Variants in SPPL2A observed in about 807,000 individuals in gnomAD.
The protein encoded by SPPL2A is signal peptide peptidase like 2A.
Under a neutral mutation model 63.8 loss-of-function variants are expected in SPPL2A, and 51 were observed. That is an observed-to-expected ratio of 0.80 (90% CI 0.64 to 1.01). The LOEUF (loss-of-function observed/expected upper bound fraction) is 1.01, where lower values mean the gene tolerates loss of function less well. Ranked by LOEUF, SPPL2A falls within the 50% of genes least tolerant of loss-of-function variation. The pLI is 0.00. For missense variants in SPPL2A, 553 were observed against 622.7 expected, an observed-to-expected ratio of 0.89 and a Z score of 1.19; for synonymous variants, 188 against 205.8, an observed-to-expected ratio of 0.91 and a Z score of 0.74.
At position 50,706,616 on chromosome 15, in the gene SPPL2A, TGGGAGTG is replaced by T. The variant is rs2062511849; in HGVS notation, c.*1177_*1183del. On this transcript the variant is annotated 3_prime_UTR_variant, in exon 15 of 15. Transcript: ENST00000261854. ...ATCAGGAAGAAAAAAAGATAACGGG[TGGGAGTG>T]GGGGAATGTGGGATAATGTTAGGAA... 1 of 151,486 alleles carries T rather than the reference TGGGAGTG, an allele frequency of 6.6e-6. No individual in the cohort carries two copies. The highest frequency in any genetic ancestry group is 1.5e-5 in the Non-Finnish European group (1 of 67,880). 9.4% of individuals were successfully genotyped at this position (151,486 alleles called of 1,614,324 possible).
intron 14 of SPPL2A, among the ~76,000 whole-genome samples, chr15:50,712,922 G>C (rs1392594435): frequency 6.6e-6 from 1 of 151,924 alleles, no homozygotes; most frequent in African/African-American, 2.4e-5. Flanking sequence ...CTGACCTCGT[G>C]ATCTGCCCGC....
chr15:50,762,718 GTTTCTTTTTTTCT>G (rs1396916929), intron 1 of SPPL2A, among the ~76,000 whole-genome samples: 3 of 149,748 alleles, frequency 2.0e-5, no homozygotes, highest in Non-Finnish European at 4.4e-5. Flanking sequence ...AGCAGTGCCA[GTTTCTTTTTTTCT>G]TTTCTTTTTT....
At chr15:50,748,337 C>G (rs1365978769) in intron 3 of SPPL2A, 135 bp from the exon 4 acceptor site, 28 of 436,836 alleles carry the variant, frequency 6.4e-5, no homozygotes, top group Non-Finnish European at 1.0e-4. Context: ...TCTTAACACT[C>G]TAAGTTCTCA....
intron 1 of SPPL2A, 100 bp from the exon 2 acceptor site, chr15:50,749,846 C>A: frequency 1.4e-6 from 1 of 731,116 alleles, no homozygotes; most frequent in South Asian, 1.5e-5. Flanking sequence ...ATCACATTTC[C>A]TTGAGAGGGA....
chr15:50,724,393 G>A (rs926971888), intron 12 of SPPL2A, among the ~76,000 whole-genome samples: 9 of 152,024 alleles, frequency 5.9e-5, no homozygotes, highest in South Asian at 2.1e-4. Flanking sequence ...TGGCTAACAC[G>A]GTGAAACCCA....
intron 1 of SPPL2A, among the ~76,000 whole-genome samples, chr15:50,759,371 T>C (rs1012929072): frequency 3.3e-5 from 5 of 152,166 alleles, no homozygotes; most frequent in African/African-American, 1.2e-4. Context: ...GTTTGAACCC[T>C]GGAGTTTGAG....
In SPPL2A at chr15:50,734,816, A is replaced by G. The variant is rs76452388; in HGVS notation, c.932+1285T>C. ...AAATATATATAGTCATTATGTTCCC[A>G]TAATAATTAAAAATAAAACTTTTTA... On this transcript the variant is annotated intron_variant, in intron 8 of 14. Coordinates refer to ENST00000261854, the MANE Select transcript of SPPL2A (RefSeq NM_032802.4). Among the ~76,000 whole-genome samples the G allele has an allele frequency of 3.2e-3, 483 of 152,360 alleles. 5 individuals are homozygous for G. Among genetic ancestry groups the G allele is most frequent in the Middle Eastern group, 0.031 (9 of 294 alleles).
intron 1 of SPPL2A, among the ~76,000 whole-genome samples, chr15:50,765,010 T>G (rs573171000): frequency 1.1e-4 from 16 of 151,998 alleles, no homozygotes; most frequent in African/African-American, 3.6e-4. Flanking sequence ...TCCGTGTTAG[T>G]GCAATTAAAG....
chr15:50,757,089 C>CTTTTTTTTTTTTTTTTTTTTTTTT (rs57100103), intron 1 of SPPL2A, among the ~76,000 whole-genome samples: 1 of 128,374 alleles, frequency 7.8e-6, no homozygotes, highest in South Asian at 2.4e-4. Context: ...TAAATCCTTT[C>CTTTTTTTTTTTTTTTTTTTTTTTT]TTTTTTTTTT....
At chr15:50,736,771 G>T in intron 6 of SPPL2A, 31 bp from the exon 7 acceptor site, 4 of 1,061,154 alleles carry the variant, frequency 3.8e-6, no homozygotes, top group Non-Finnish European at 5.9e-6. Context: ...AATTACATGA[G>T]AACAGAAGGA....
chr15:50,712,966 G>A (rs2062571755), intron 14 of SPPL2A, among the ~76,000 whole-genome samples: 2 of 152,020 alleles, frequency 1.3e-5, no homozygotes, highest in African/African-American at 2.4e-5. Flanking sequence ...TTACAGGCAT[G>A]AGCCATCATG....
chr15:50,738,480 T>G (rs542757463), intron 6 of SPPL2A, among the ~76,000 whole-genome samples: 6 of 144,702 alleles, frequency 4.1e-5, no homozygotes, highest in African/African-American at 1.6e-4. Context: ...ACCTGGGAGG[T>G]GGAGGTTGCA....
chr15:50,765,495 GGCGGCCCCGGCAGGGGACAGCCGCCGCT>G lies in SPPL2A; in HGVS notation c.11_38del (p.Gln4ProfsTer10). On this transcript the variant is annotated frameshift_variant, in exon 1 of 15. Transcript: ENST00000261854. LOFTEE classifies it high-confidence loss of function. ...GCTGGAGCAGGAAGCCCCAGAGTAG[GGCGGCCCCGGCAGGGGACAGCCGCCGCT>G]GCGGCCCCATCGGACTGGTGGGTGC... The G allele has an allele frequency of 6.7e-7, 1 of 1,503,034 alleles. No homozygotes were observed. Among genetic ancestry groups the G allele is most frequent in the Non-Finnish European group, 8.8e-7 (1 of 1,133,572 alleles). The allele number at this position is 1,503,034 out of a possible 1,614,324, so 93.1% of individuals were successfully genotyped here. A position where few individuals can be genotyped will look rare whatever the true frequency, so the allele number is the denominator to read the frequency against.
intron 14 of SPPL2A, among the ~76,000 whole-genome samples, chr15:50,716,579 A>C (rs1336832305): frequency 6.6e-6 from 1 of 152,260 alleles, no homozygotes; most frequent in Non-Finnish European, 1.5e-5. Flanking sequence ...ATAAATTCTG[A>C]CAATGAAAAT....
Position 50,765,527 on chromosome 15 carries a change from G to T in SPPL2A, c.7C>A (p.Pro3Thr). 1 of 1,498,258 alleles carries T rather than the reference G, an allele frequency of 6.7e-7. No homozygotes were observed. Among genetic ancestry groups the T allele is most frequent in the Non-Finnish European group, 8.8e-7 (1 of 1,131,460 alleles). The allele number at this position is 1,498,258 out of a possible 1,614,324, so 92.8% of individuals were successfully genotyped here. A position where few individuals can be genotyped will look rare whatever the true frequency, so the allele number is the denominator to read the frequency against. ...CCGGCAGGGGACAGCCGCCGCTGCG[G>T]CCCCATCGGACTGGTGGGTGCCGGG... MG[P>T]QRRLSPAGAA... is the part of the protein sequence containing the mutation. The change falls in exon 1 of 15, where the codon CCG becomes ACG. Residue 3 changes from proline to threonine, a missense_variant. By Grantham distance (38) the Pro-to-Thr change is conservative. Coordinates refer to ENST00000261854, the MANE Select transcript of SPPL2A (RefSeq NM_032802.4).
intron 1 of SPPL2A, among the ~76,000 whole-genome samples, chr15:50,758,563 C>T (rs780848854): frequency 2.0e-5 from 3 of 151,842 alleles, no homozygotes; most frequent in Non-Finnish European, 4.4e-5. Context: ...CTCTTGACCG[C>T]GTGATCTGCC....
At chr15:50,725,436 T>C in intron 11 of SPPL2A, 113 bp from the exon 12 acceptor site, 3 of 665,368 alleles carry the variant, frequency 4.5e-6, no homozygotes, top group Non-Finnish European at 5.3e-6. Flanking sequence ...ATTTATTTTT[T>C]GGAGACAGAG....
chr15:50,725,015 A>G (rs11856886), intron 12 of SPPL2A, among the ~76,000 whole-genome samples: 37,778 of 152,134 alleles, frequency 0.25, 5,679 homozygotes, highest in East Asian at 0.54. Flanking sequence ...TTTTTGAGCC[A>G]TGGGAGCTAT....
intron 8 of SPPL2A, among the ~76,000 whole-genome samples, chr15:50,734,629 C>G (rs1242263706): frequency 6.6e-6 from 1 of 151,942 alleles, no homozygotes; most frequent in African/African-American, 2.4e-5. Context: ...TAAGGTGATA[C>G]AGTTAATAAC....
Sources: gnomAD v4.1 joint callset for allele counts (sites outside exome capture counted in the v4.1 genomes callset) on GRCh38, gnomAD v4.1.1 for gene constraint, MANE v1.5 for transcripts, NCBI Gene and HGNC (gene_info 2026-07-23, HGNC 2026-07-21) for gene names.